The following GRIP1 variants were observed in gnomAD, a reference collection of about 807,000 sequenced individuals.
GRIP1 encodes the protein glutamate receptor interacting protein 1, also known as glutamate receptor-interacting protein 1.
GRIP1 carries 45 observed loss-of-function variants against 129.9 expected under a neutral mutation model. That is an observed-to-expected ratio of 0.35 (90% CI 0.27 to 0.44). The LOEUF (loss-of-function observed/expected upper bound fraction) is 0.44. Ranked by LOEUF, GRIP1 falls within the 20% of genes least tolerant of loss-of-function variation. The pLI, the probability that GRIP1 is intolerant of heterozygous loss-of-function variation, is 1.00. For missense variants in GRIP1, 1,196 were observed against 1,396.8 expected, an observed-to-expected ratio of 0.86 and a Z score of 2.29; for synonymous variants, 530 against 520.8, an observed-to-expected ratio of 1.02 and a Z score of -0.24.
Position 66,817,598 on chromosome 12 carries a change from G to A in GRIP1, c.59-220671C>T, listed in dbSNP as rs369043909. ...CTAATTTTGTATTTTTAGTAGAGACGGGGTTTCACCATGTTGGTCAGGCTG... is the reference window on the plus strand; with the variant it reads ...CTAATTTTGTATTTTTAGTAGAGACAGGGTTTCACCATGTTGGTCAGGCTG... On this transcript the variant is annotated intron_variant, in intron 1 of 1. Transcript: ENST00000643019. 8.8e-5 allele frequency among the ~76,000 whole-genome samples: 13 copies of A among 147,062 alleles called. 1 individual carries two copies. Among genetic ancestry groups the A allele is most frequent in the African/African-American group, 2.9e-4 (12 of 41,038 alleles).
intron 1 of GRIP1, among the ~76,000 whole-genome samples, chr12:67,064,167 T>G (rs747868837): frequency 4.6e-5 from 7 of 152,254 alleles, no homozygotes; most frequent in Admixed American, 6.5e-5. Flanking sequence ...ACATCTACCT[T>G]GCAAAAGCCT....
intron 1 of GRIP1, among the ~76,000 whole-genome samples, chr12:66,801,478 G>A (rs1156369891): frequency 1.3e-5 from 2 of 152,010 alleles, no homozygotes; most frequent in Non-Finnish European, 2.9e-5. Context: ...TCACCCTATG[G>A]ACATTTTAAT....
intron 12 of GRIP1, 100 bp downstream of exon 12, chr12:66,445,222 T>C (rs886300519): frequency 1.0e-6 from 1 of 962,046 alleles, no homozygotes; most frequent in Admixed American, 1.7e-5. Flanking sequence ...ATCTTGCATT[T>C]CCTGCATTGA....
intron 1 of GRIP1, among the ~76,000 whole-genome samples, chr12:66,631,331 C>T (rs947368482): frequency 5.3e-5 from 8 of 152,104 alleles, no homozygotes; most frequent in East Asian, 1.9e-4. Context: ...CTGAAGCTGG[C>T]GTTATTTCTT....
chr12:66,360,273 T>C (rs1276653883), intron 23 of GRIP1, among the ~76,000 whole-genome samples: 3 of 152,166 alleles, frequency 2.0e-5, no homozygotes, highest in Non-Finnish European at 4.4e-5. Context: ...TAATTAATCA[T>C]GCCCACTGGG....
At chr12:66,410,851 T>C (rs1337021592) in intron 15 of GRIP1, among the ~76,000 whole-genome samples, 1 of 152,118 alleles carries the variant, frequency 6.6e-6, no homozygotes, top group Non-Finnish European at 1.5e-5. Flanking sequence ...TACAAGAACC[T>C]TATAGACCAC....
At chr12:66,817,024 A>G (rs1311982067) in intron 1 of GRIP1, among the ~76,000 whole-genome samples, 1 of 152,104 alleles carries the variant, frequency 6.6e-6, no homozygotes, top group African/African-American at 2.4e-5. Context: ...TCCTTTCCTC[A>G]GAAAACAAAT....
chr12:66,578,836 G>C (rs2063248193), intron 2 of GRIP1, among the ~76,000 whole-genome samples: 1 of 152,220 alleles, frequency 6.6e-6, no homozygotes, highest in East Asian at 1.9e-4. Flanking sequence ...GCAGGGCACA[G>C]ACAAACAAAA....
At chr12:66,629,704 C>G (rs1004895258) in intron 1 of GRIP1, among the ~76,000 whole-genome samples, 9 of 152,212 alleles carry the variant, frequency 5.9e-5, no homozygotes, top group Non-Finnish European at 2.9e-5. Context: ...CCACACTGGA[C>G]CTACTTTCAT....
At chr12:66,790,223 T>G (rs2038486274) in intron 1 of GRIP1, among the ~76,000 whole-genome samples, 1 of 152,182 alleles carries the variant, frequency 6.6e-6, no homozygotes, top group Non-Finnish European at 1.5e-5. Flanking sequence ...TATTGAATTC[T>G]GGACTCCAAG....
chr12:66,803,862 T>G (rs2038925029), intron 1 of GRIP1: 1 of 268,892 alleles, frequency 3.7e-6, no homozygotes, highest in South Asian at 4.3e-5. Context: ...CTGGTGACAC[T>G]GTCTAGATGC....
intron 1 of GRIP1, among the ~76,000 whole-genome samples, chr12:66,916,808 T>G (rs2041130983): frequency 6.6e-6 from 1 of 152,170 alleles, no homozygotes; most frequent in Non-Finnish European, 1.5e-5. Flanking sequence ...TTTCTTGTAT[T>G]ATACTCTTTT....
At chr12:66,647,917 CCTTT>C (rs1156579505) in intron 1 of GRIP1, among the ~76,000 whole-genome samples, 1 of 152,148 alleles carries the variant, frequency 6.6e-6, no homozygotes, top group Non-Finnish European at 1.5e-5. Context: ...ACATATGATT[CCTTT>C]ATTTTAAATT....
intron 1 of GRIP1, among the ~76,000 whole-genome samples, chr12:66,843,578 A>G (rs2039759661): frequency 6.6e-6 from 1 of 152,162 alleles, no homozygotes; most frequent in Admixed American, 6.5e-5. Context: ...AAGCTACAGT[A>G]ATCAAAACAG....
intron 1 of GRIP1, among the ~76,000 whole-genome samples, chr12:66,729,197 T>A (rs1323020738): frequency 1.3e-5 from 2 of 152,122 alleles, no homozygotes; most frequent in African/African-American, 4.8e-5. Context: ...TAAAACATGC[T>A]AGTCTTGACT....
intron 15 of GRIP1, among the ~76,000 whole-genome samples, chr12:66,412,242 G>A (rs2057428254): frequency 6.6e-6 from 1 of 152,152 alleles, no homozygotes; most frequent in African/African-American, 2.4e-5. Context: ...GAAAAGCCAG[G>A]ACGCCTACAA....
chr12:67,039,285 T>C (rs180683625), intron 1 of GRIP1, among the ~76,000 whole-genome samples: 124 of 152,312 alleles, frequency 8.1e-4, no homozygotes, highest in Non-Finnish European at 1.6e-3. Flanking sequence ...CTGAGGAACA[T>C]GTTTAGGTAA....
chr12:67,018,719 G>A (rs756195985), intron 1 of GRIP1, among the ~76,000 whole-genome samples: 13 of 152,036 alleles, frequency 8.6e-5, no homozygotes, highest in Non-Finnish European at 1.5e-4. Flanking sequence ...AAGGAAGGGT[G>A]AATAAATGGG....
intron 1 of GRIP1, among the ~76,000 whole-genome samples, chr12:66,878,976 G>T (rs771987898): frequency 5.3e-5 from 8 of 151,950 alleles, no homozygotes. Context: ...ACACTGATTT[G>T]AGGGGGGCAT....
Sources: allele counts gnomAD v4.1 joint callset (sites outside exome capture counted in the v4.1 genomes callset), GRCh38; gene constraint gnomAD v4.1.1; transcripts MANE v1.5; gene names NCBI Gene and HGNC (gene_info 2026-07-23, HGNC 2026-07-21).